Variants in PSG7 observed in about 807,000 individuals in gnomAD.
The protein encoded by PSG7 is pregnancy specific beta-1-glycoprotein 7.
In PSG7, 57 loss-of-function variants were observed where a neutral mutation model predicts 45.6. The observed-to-expected ratio is 1.25, with a 90% CI of 1.01 to 1.56. The LOEUF (loss-of-function observed/expected upper bound fraction) is 1.56, where lower values mean the gene tolerates loss of function less well. Ranked by LOEUF, PSG7 falls within the 40% of genes most tolerant of loss-of-function variation. The pLI, the probability that PSG7 is intolerant of heterozygous loss-of-function variation, is 0.00. For missense variants in PSG7, 796 were observed against 508.4 expected (o/e 1.57, Z -5.44); for synonymous variants, 298 against 194.4 (o/e 1.53, Z -4.43).
intron 1 of PSG7, among the ~76,000 whole-genome samples, chr19:42,935,998 C>A (rs1396964577): frequency 2.0e-5 from 3 of 150,986 alleles, no homozygotes; most frequent in Non-Finnish European, 4.4e-5. Context: ...AGCAGCATGA[C>A]CCCCATTCCT....
At chr19:42,927,963 A>T (rs922422721) in intron 3 of PSG7, among the ~76,000 whole-genome samples, 2 of 151,730 alleles carry the variant, frequency 1.3e-5, no homozygotes, top group South Asian at 2.1e-4. Context: ...CTTACTGGTT[A>T]AGCATCCCAA....
chr19:42,934,742 A>C (rs1228548102), intron 2 of PSG7, among the ~76,000 whole-genome samples: 1 of 151,422 alleles, frequency 6.6e-6, no homozygotes, highest in African/African-American at 2.4e-5. Context: ...CTTTCTATGG[A>C]GTGTCCTAGG....
rs541359759 is a variant in PSG7, at chr19:42,932,556, G to C, written c.431-2836C>G. Among the ~76,000 whole-genome samples the C allele has an allele frequency of 1.2e-3, 189 of 151,512 alleles. 2 individuals carry two copies. Among genetic ancestry groups the C allele is most frequent in the African/African-American group, 4.5e-3 (185 of 41,242 alleles). ...AGGCCCTTCCAGCCTCTGACACCCTGATGAGTCCGTGCAAAGATTACAACA... is the reference window on the plus strand; with the variant it reads ...AGGCCCTTCCAGCCTCTGACACCCTCATGAGTCCGTGCAAAGATTACAACA... On this transcript the variant is annotated intron_variant, in intron 2 of 5. Transcript: ENST00000406070.
At chr19:42,931,526 G>A (rs184721401) in intron 2 of PSG7, among the ~76,000 whole-genome samples, 1 of 151,690 alleles carries the variant, frequency 6.6e-6, no homozygotes, top group African/African-American at 2.4e-5. Context: ...AAATGCGGAG[G>A]ACCCCAAAAC....
At chr19:42,930,338 A>T (rs928049339) in intron 2 of PSG7, among the ~76,000 whole-genome samples, 1 of 151,632 alleles carries the variant, frequency 6.6e-6, no homozygotes, top group Admixed American at 6.6e-5. Flanking sequence ...ATAGTGACTG[A>T]CTTGAGCCAG....
At chr19:42,933,643 C>T (rs138096758) in intron 2 of PSG7, among the ~76,000 whole-genome samples, 2 of 150,270 alleles carry the variant, frequency 1.3e-5, no homozygotes. Flanking sequence ...GAAGGCCTAG[C>T]AGTGGAGGAA....
intron 4 of PSG7, 167 bp from the exon 5 acceptor site, chr19:42,926,194 C>A (rs1274309454): frequency 2.4e-5 from 34 of 1,405,246 alleles, no homozygotes; most frequent in Non-Finnish European, 3.1e-5. Flanking sequence ...ACCTGTTTCT[C>A]CCATCACAAG....
intron 4 of PSG7, 89 bp from the exon 5 acceptor site, chr19:42,926,116 G>T: frequency 6.5e-7 from 1 of 1,543,780 alleles, no homozygotes; most frequent in Non-Finnish European, 8.8e-7. Flanking sequence ...GACCCTCTGA[G>T]CCGAGACACA....
At chr19:42,926,258 G>C (rs1344622051) in intron 4 of PSG7, 180 bp downstream of exon 4, 1 of 1,416,344 alleles carries the variant, frequency 7.1e-7, no homozygotes, top group African/African-American at 1.4e-5. Context: ...TATATTCTTG[G>C]TTAAGGCTGT....
chr19:42,929,293 G>T (rs1972963417), intron 3 of PSG7, 149 bp downstream of exon 3: 2 of 1,540,678 alleles, frequency 1.3e-6, no homozygotes, highest in South Asian at 1.3e-5. Context: ...GCCTACTCTG[G>T]TTTGCCTGGG....
rs1368687174 is a variant in PSG7 at position 42,937,064 on chromosome 19, A to G, written c.13T>C (p.Ser5Pro). 6 of 1,611,134 alleles carry G rather than the reference A, an allele frequency of 3.7e-6. No individual in the cohort carries two copies. The African/African-American group carries it at 4.0e-5, about 11-fold the overall frequency. ...ATATGCTGTGTGCAGGGAGGGGCTG[A>G]GAGGGGCCCCATGGTCTCTGCTCCC... MGPL[S>P]APPCTQHITW... Residue 5 changes from serine (S) to proline (P), a missense_variant, in exon 1 of 6, where the codon TCA becomes CCA. Ser to Pro is a moderately conservative substitution (Grantham distance 74). Transcript: ENST00000406070.
In PSG7 at chr19:42,926,958, G is replaced by A. The variant is rs1466816610; in HGVS notation, c.710-242C>T. 9.3e-6 allele frequency: 7 copies of A among 753,896 alleles called. 1 individual carries two copies. Among genetic ancestry groups the A allele is most frequent in the Non-Finnish European group, 1.4e-5 (7 of 495,994 alleles). 46.7% of individuals were successfully genotyped at this position (753,896 alleles called of 1,614,324 possible). On this transcript the variant is annotated intron_variant, in intron 3 of 5. Transcript: ENST00000406070. ...AGTGTCAATTGAGCAGCAGTGCTGG[G>A]TCATGGACAGACATGTCAGTGGGAG... is the stretch of plus-strand genomic sequence containing the variant.
In PSG7 at chr19:42,937,190, CG is replaced by C; in HGVS notation, c.-115del. 1 of 1,447,482 alleles carries C rather than the reference CG, an allele frequency of 6.9e-7. No homozygotes were observed. The allele number at this position is 1,447,482 out of a possible 1,614,324, so 89.7% of individuals were successfully genotyped here. ...CCTCCTTCTGCACTGAGCCTCTTCC[CG>C]GGGCAGGAGCACTTCTCAAGCTCAT... is the stretch of plus-strand genomic sequence containing the variant. On this transcript the variant is annotated 5_prime_UTR_variant, in exon 1 of 6. Transcript: ENST00000406070.
chr19:42,933,307 A>ATATATATATATATATATATTTTT (rs56691588), intron 2 of PSG7, among the ~76,000 whole-genome samples: 2 of 13,506 alleles, frequency 1.5e-4, no homozygotes, highest in Non-Finnish European at 1.6e-4. Context: ...ATATATATAT[A>ATATATATATATATATATATTTTT]TTTTTTTTTT....
rs1972488017 is a variant in PSG7, at chr19:42,924,711, A to T, written c.*97T>A. On this transcript the variant is annotated 3_prime_UTR_variant, in exon 6 of 6. Coordinates refer to ENST00000406070, the MANE Select transcript of PSG7 (RefSeq NM_002783.3). ...GGATTTTCCCATGAAATTTACATTGAGTTGTCCAACTCTGACTTATAGGGC... is the reference window on the plus strand; with the variant it reads ...GGATTTTCCCATGAAATTTACATTGTGTTGTCCAACTCTGACTTATAGGGC... 1.3e-6 allele frequency: 1 copy of T among 765,984 alleles called. No homozygotes were observed. Among genetic ancestry groups the T allele is most frequent in the Non-Finnish European group, 2.4e-6 (1 of 417,360 alleles). 47.4% of individuals were successfully genotyped at this position (765,984 alleles called of 1,614,324 possible).
intron 1 of PSG7, among the ~76,000 whole-genome samples, 185 bp downstream of exon 1, chr19:42,936,828 T>C (rs1435628268): frequency 6.6e-6 from 1 of 151,398 alleles, no homozygotes; most frequent in Non-Finnish European, 1.5e-5. Flanking sequence ...TTTGTATTTT[T>C]AGTACAGACA....
intron 3 of PSG7, 148 bp from the exon 4 acceptor site, chr19:42,926,864 C>A: frequency 7.1e-7 from 1 of 1,402,050 alleles, no homozygotes; most frequent in Non-Finnish European, 9.7e-7. Context: ...AAGGTAGATG[C>A]ATGATGATCT....
chr19:42,936,660 TC>T (rs1478452889), intron 1 of PSG7, among the ~76,000 whole-genome samples: 1 of 151,246 alleles, frequency 6.6e-6, no homozygotes, highest in Non-Finnish European at 1.5e-5. Context: ...TTCCTTTTTT[TC>T]TTTTGGGACG....
At chr19:42,933,299 ATATATATATTTTT>A (rs1302526553) in intron 2 of PSG7, among the ~76,000 whole-genome samples, 2 of 14,652 alleles carry the variant, frequency 1.4e-4, no homozygotes, top group East Asian at 4.1e-3. Context: ...ATATATATAT[ATATATATATTTTT>A]TTTTTTTTTT....
Sources: gnomAD v4.1 joint callset for allele counts (sites outside exome capture counted in the v4.1 genomes callset) on GRCh38, gnomAD v4.1.1 for gene constraint, MANE v1.5 for transcripts, NCBI Gene and HGNC (gene_info 2026-07-23, HGNC 2026-07-21) for gene names.